The following PIGZ variants were observed in gnomAD, a reference collection of about 807,000 sequenced individuals.
PIGZ encodes the protein phosphatidylinositol glycan anchor biosynthesis class Z (Gwada blood group).
Under a neutral mutation model 16.4 loss-of-function variants are expected in PIGZ, and 16 were observed. The observed-to-expected ratio is 0.97, with a 90% confidence interval of 0.66 to 1.48. The LOEUF (loss-of-function observed/expected upper bound fraction) is 1.48. Ranked by LOEUF, PIGZ falls within the 40% of genes most tolerant of loss-of-function variation. The pLI is 0.00. For synonymous variants in PIGZ, 409 were observed against 338.4 expected (o/e 1.21, Z -2.29); for missense variants, 770 against 739.2 (o/e 1.04, Z -0.48).
intron 1 of PIGZ, among the ~76,000 whole-genome samples, chr3:196,958,660 C>CA (rs1236918839): frequency 5.9e-5 from 9 of 151,934 alleles, no homozygotes; most frequent in Non-Finnish European, 1.0e-4. Context: ...AACAAACAAA[C>CA]AAAAAACACT....
chr3:196,949,070 C>T (rs540470680), intron 2 of PIGZ, among the ~76,000 whole-genome samples: 3 of 133,046 alleles, frequency 2.3e-5, no homozygotes, highest in Admixed American at 7.9e-5. Flanking sequence ...CCCCTTCCTT[C>T]GCTTCGTTCA....
chr3:196,951,238 G>A (rs991136703), intron 2 of PIGZ, among the ~76,000 whole-genome samples: 5 of 152,190 alleles, frequency 3.3e-5, no homozygotes, highest in Non-Finnish European at 7.3e-5. Context: ...AAGACTGCCT[G>A]TAGGCTTGAT....
intron 2 of PIGZ, among the ~76,000 whole-genome samples, chr3:196,949,041 T>TC (rs1553836981): frequency 5.1e-5 from 3 of 58,654 alleles, no homozygotes; most frequent in African/African-American, 3.3e-4. Flanking sequence ...TTCCCTTCCT[T>TC]CCTTCCCTTC....
chr3:196,950,311 G>A (rs574052063), intron 2 of PIGZ, among the ~76,000 whole-genome samples: 2 of 152,196 alleles, frequency 1.3e-5, no homozygotes, highest in Non-Finnish European at 2.9e-5. Context: ...TTTGTAAGAA[G>A]AATATATCCA....
chr3:196,962,078 T>C (rs2108917000), intron 1 of PIGZ, among the ~76,000 whole-genome samples: 1 of 152,318 alleles, frequency 6.6e-6, no homozygotes, highest in East Asian at 1.9e-4. Context: ...TGTTACTGTG[T>C]CTATGTAGAA....
In PIGZ at chr3:196,946,748, G is replaced by A. The variant is rs1198932794; in HGVS notation, c.*409C>T. 1.2e-5 allele frequency: 2 copies of A among 162,886 alleles called. No individual in the cohort carries two copies. The highest frequency in any genetic ancestry group is 2.6e-5 in the Non-Finnish European group (2 of 75,628). 10.1% of individuals were successfully genotyped at this position (162,886 alleles called of 1,614,324 possible). A position where few individuals can be genotyped will look rare whatever the true frequency, so the allele number is the denominator to read the frequency against. On this transcript the variant is annotated 3_prime_UTR_variant, in exon 3 of 3. Transcript: ENST00000412723. ...TAGGCAGATGGGTCTTAGGAAGCCA[G>A]AGGGTTGTCATGACAGCAAGGGTAA...
chr3:196,959,194 G>A (rs975433619), intron 1 of PIGZ, among the ~76,000 whole-genome samples: 2 of 152,102 alleles, frequency 1.3e-5, no homozygotes, highest in Non-Finnish European at 2.9e-5. Context: ...TCTCACCCTC[G>A]CCCACTCTTA....
chr3:196,947,687 T>G lies in PIGZ; in HGVS notation c.1210A>C (p.Ser404Arg). 3.1e-6 allele frequency: 5 copies of G among 1,612,976 alleles called. No individual in the cohort carries two copies. Among genetic ancestry groups the G allele is most frequent in the Non-Finnish European group, 4.2e-6 (5 of 1,179,464 alleles). Reference protein sequence around the residue: ...PLLVPLVLLCSPQTQPVPWKG... With the variant: ...PLLVPLVLLCRPQTQPVPWKG... ...CAAGGCACAGGCTGCGTCTGTGGAC[T>G]ACAAAGCAGGACCAGGGGGACCAGG... Residue 404 changes from serine (S) to arginine (R), a missense_variant, in exon 3 of 3, where the codon AGT becomes CGT. Coordinates refer to ENST00000412723, the MANE Select transcript of PIGZ (RefSeq NM_025163.4).
chr3:196,968,393 G>C (rs1460747678), intron 1 of PIGZ, among the ~76,000 whole-genome samples: 1 of 152,196 alleles, frequency 6.6e-6, no homozygotes, highest in African/African-American at 2.4e-5. Flanking sequence ...CCTGCGCCCA[G>C]ACCCGTGCCC....
In PIGZ at chr3:196,948,334, A is replaced by T. The variant is rs1577879168; in HGVS notation, c.563T>A (p.Leu188Gln). The change falls in exon 3 of 3, where the codon CTG becomes CAG. Residue 188 changes from leucine to glutamine, a missense_variant. Physicochemically the swap from Leu to Gln is moderately radical, Grantham distance 113. Coordinates refer to ENST00000412723, the MANE Select transcript of PIGZ (RefSeq NM_025163.4). ...NTIEGLLFTWLLVLVSSHVTW... is the reference protein window; with the variant it reads ...NTIEGLLFTWQLVLVSSHVTW... The stretch of plus-strand genomic sequence containing the variant: ...TACATGGGAGGATACCAGCACCAGC[A>T]GCCACGTGAAGAGGAGTCCCTCAAT... The T allele has an allele frequency of 1.2e-6, 2 of 1,614,186 alleles. No individual in the cohort carries two copies. The highest frequency in any genetic ancestry group is 2.2e-5 in the East Asian group (1 of 44,870).
chr3:196,958,155 G>C (rs1235045509), intron 1 of PIGZ, among the ~76,000 whole-genome samples: 1 of 152,072 alleles, frequency 6.6e-6, no homozygotes, highest in Non-Finnish European at 1.5e-5. Context: ...CAGCATTTTA[G>C]TTATTTTCAG....
chr3:196,951,703 G>T, intron 2 of PIGZ, 118 bp downstream of exon 2: 1 of 939,836 alleles, frequency 1.1e-6, no homozygotes, highest in Non-Finnish European at 1.6e-6. Context: ...CTGCTGCTCT[G>T]CTTGTGGATT....
rs1322469140 is a variant in PIGZ at position 196,947,160 on chromosome 3, G to A, written c.1737C>T (p.Thr579=). The A allele has an allele frequency of 9.7e-6, 15 of 1,546,146 alleles. No homozygotes were observed. Among genetic ancestry groups the A allele is most frequent in the Non-Finnish European group, 1.2e-5 (14 of 1,144,980 alleles). The change falls in exon 3 of 3, where the codon ACC becomes ACT. Residue 579 remains threonine, a synonymous_variant. Coordinates refer to ENST00000412723, the MANE Select transcript of PIGZ (RefSeq NM_025163.4). ...CAGTGGGTGCTCTGTCATATTGTCA[G>A]GTTTCTTCCCCCAGCTCCACAATGT... The part of the protein sequence containing the change: ...SLHIVELGEE[T]
intron 1 of PIGZ, among the ~76,000 whole-genome samples, chr3:196,958,290 A>C (rs1257056523): frequency 6.6e-6 from 1 of 152,212 alleles, no homozygotes; most frequent in Non-Finnish European, 1.5e-5. Context: ...AAGTGCAATA[A>C]GCCAAAAAGG....
At chr3:196,957,467 C>G (rs1449647199) in intron 1 of PIGZ, among the ~76,000 whole-genome samples, 1 of 151,482 alleles carries the variant, frequency 6.6e-6, no homozygotes, top group Non-Finnish European at 1.5e-5. Flanking sequence ...ACTGCAGCCT[C>G]TGCCTCCCAG....
chr3:196,968,803 C>A lies in PIGZ; in HGVS notation c.-117G>T, dbSNP rs1469877782. On this transcript the variant is annotated 5_prime_UTR_variant, in exon 1 of 3. Transcript: ENST00000412723. ...CAGGGCGGAGGGGAGGCCGTGGGAG[C>A]GGCCGGGCGCGCCTCAGCAGCGCGG... The A allele has an allele frequency of 6.6e-6, 1 of 150,666 alleles. No homozygotes were observed. Among genetic ancestry groups the A allele is most frequent in the Admixed American group, 6.6e-5 (1 of 15,116 alleles). 9.3% of individuals were successfully genotyped at this position (150,666 alleles called of 1,614,324 possible). A position where few individuals can be genotyped will look rare whatever the true frequency, so the allele number is the denominator to read the frequency against.
At chr3:196,955,540 A>G (rs941539881) in intron 1 of PIGZ, among the ~76,000 whole-genome samples, 6 of 146,852 alleles carry the variant, frequency 4.1e-5, no homozygotes, top group Admixed American at 2.7e-4. Context: ...TACCTGGTAC[A>G]TCATTTTCCA....
chr3:196,951,551 C>T (rs1241671996), intron 2 of PIGZ: 2 of 514,604 alleles, frequency 3.9e-6, no homozygotes, highest in South Asian at 2.1e-5. Flanking sequence ...AGCTCTCATT[C>T]TGAATGACCT....
intron 1 of PIGZ, among the ~76,000 whole-genome samples, chr3:196,955,863 G>A (rs192553636): frequency 6.6e-6 from 1 of 152,120 alleles, no homozygotes; most frequent in African/African-American, 2.4e-5. Flanking sequence ...ACAGATGTCA[G>A]CCACTGCGCC....
Sources: gnomAD v4.1 joint callset for allele counts (sites outside exome capture counted in the v4.1 genomes callset) on GRCh38, gnomAD v4.1.1 for gene constraint, MANE v1.5 for transcripts, NCBI Gene and HGNC (gene_info 2026-07-23, HGNC 2026-07-21) for gene names.